The following LMBRD1 variants were observed in gnomAD, a reference collection of about 807,000 sequenced individuals.
LMBRD1 encodes LMBR1 domain containing 1, also known as lysosomal cobalamin transport escort protein LMBD1.
Under a neutral mutation model 74.8 loss-of-function variants are expected in LMBRD1, and 64 were observed. The observed-to-expected ratio is 0.86, with a 90% confidence interval of 0.70 to 1.05. The LOEUF is 1.05. Among genes scored for constraint, LMBRD1 ranks in the 50% least tolerant of loss-of-function variants. The probability of loss-of-function intolerance (pLI) is 0.00; values close to 1 mark genes in which losing one functional copy is unlikely to be tolerated. For synonymous variants in LMBRD1, 204 were observed against 216.3 expected (o/e 0.94, Z 0.50); for missense variants, 652 against 645.9 (o/e 1.01, Z -0.10).
At chr6:69,790,554 G>A in intron 1 of LMBRD1, 82 bp from the exon 2 acceptor site, 2 of 1,400,544 alleles carry the variant, frequency 1.4e-6, no homozygotes, top group Non-Finnish European at 2.0e-6. Context: ...GTTTCTAGCA[G>A]GAAACCTTAT....
chr6:69,749,383 G>A lies in LMBRD1; in HGVS notation c.431C>T (p.Thr144Ile). 6.2e-7 allele frequency: 1 copy of A among 1,610,036 alleles called. No individual in the cohort carries two copies. The highest frequency in any genetic ancestry group is 8.5e-7 in the Non-Finnish European group (1 of 1,178,754). ...TGCACAAATCACAACAAATCCCAAA[G>A]TATACTTGAGTGCCGTTTTAATTTG... ...CTQIKTALKY[T>I]LGFVVICALL... The change falls in exon 5 of 16, where the codon ACT becomes ATT. Residue 144 changes from threonine (T) to isoleucine (I), a missense_variant. Thr to Ile is a moderately conservative substitution (Grantham distance 89, BLOSUM62 -1). Around this residue, in one of 3 missense-constraint regions of LMBRD1, gnomAD observed 598 missense variants for 581.8 expected, o/e 1.03. Transcript: ENST00000649934.
intron 2 of LMBRD1, among the ~76,000 whole-genome samples, chr6:69,782,377 T>G (rs1362806547): frequency 1.3e-5 from 2 of 152,304 alleles, no homozygotes; most frequent in African/African-American, 4.8e-5. Context: ...AGTGAACTAC[T>G]TGTACCTACT....
intron 2 of LMBRD1, among the ~76,000 whole-genome samples, chr6:69,782,935 C>G (rs1226504735): frequency 6.6e-6 from 1 of 150,934 alleles, no homozygotes; most frequent in East Asian, 2.0e-4. Flanking sequence ...AAAAATGAAA[C>G]TGGAGACAAT....
intron 14 of LMBRD1, among the ~76,000 whole-genome samples, chr6:69,684,912 A>G (rs867708426): frequency 5.1e-4 from 77 of 152,316 alleles, no homozygotes; most frequent in African/African-American, 1.8e-3. Flanking sequence ...CTTTAATAAT[A>G]CTATTTAAAA....
intron 4 of LMBRD1, among the ~76,000 whole-genome samples, chr6:69,751,580 G>A (rs947499663): frequency 5.9e-5 from 9 of 152,146 alleles, no homozygotes; most frequent in African/African-American, 9.6e-5. Context: ...CGCCCGCCTC[G>A]GCCTCCCAAA....
At chr6:69,727,019 G>A (rs1444792115) in intron 7 of LMBRD1, among the ~76,000 whole-genome samples, 1 of 152,106 alleles carries the variant, frequency 6.6e-6, no homozygotes, top group Non-Finnish European at 1.5e-5. Context: ...GCCGGGTGTG[G>A]TGGCAAGCAC....
chr6:69,767,856 AT>A (rs1378255932), intron 3 of LMBRD1, among the ~76,000 whole-genome samples: 2 of 151,896 alleles, frequency 1.3e-5, no homozygotes, highest in Non-Finnish European at 3.0e-5. Context: ...AATTCTGCCC[AT>A]TTTGAATTTG....
At chr6:69,704,534 A>G (rs1050905836) in intron 9 of LMBRD1, among the ~76,000 whole-genome samples, 25 of 129,548 alleles carry the variant, frequency 1.9e-4, no homozygotes, top group Admixed American at 7.1e-4. Flanking sequence ...TTATACGCCC[A>G]CTATTCTCTT....
At chr6:69,785,202 T>C (rs1219984018) in intron 2 of LMBRD1, among the ~76,000 whole-genome samples, 1 of 152,174 alleles carries the variant, frequency 6.6e-6, no homozygotes, top group East Asian at 1.9e-4. Flanking sequence ...GCCTCCCTCT[T>C]CTGTTTTTCT....
At chr6:69,785,340 T>C (rs1483965164) in intron 2 of LMBRD1, among the ~76,000 whole-genome samples, 7 of 152,196 alleles carry the variant, frequency 4.6e-5, no homozygotes, top group Non-Finnish European at 1.5e-5. Context: ...TCCATAACTG[T>C]AGATATCATC....
intron 3 of LMBRD1, among the ~76,000 whole-genome samples, chr6:69,775,921 G>A (rs1765688677): frequency 6.6e-6 from 1 of 152,138 alleles, no homozygotes; most frequent in African/African-American, 2.4e-5. Context: ...GGAAATAAGT[G>A]ACAGTATTTG....
At chr6:69,781,521 CT>C (rs36073304) in intron 2 of LMBRD1, among the ~76,000 whole-genome samples, 4 of 151,698 alleles carry the variant, frequency 2.6e-5, no homozygotes, top group African/African-American at 9.7e-5. Context: ...TTTCTTTTCT[CT>C]TTTTTTTGCC....
chr6:69,779,985 G>A (rs1765792418), intron 3 of LMBRD1, among the ~76,000 whole-genome samples: 1 of 152,232 alleles, frequency 6.6e-6, no homozygotes. Context: ...CCCAAACCTG[G>A]CAATACCAGC....
intron 3 of LMBRD1, among the ~76,000 whole-genome samples, chr6:69,760,168 C>G (rs961081179): frequency 5.9e-5 from 9 of 152,152 alleles, no homozygotes; most frequent in Non-Finnish European, 1.2e-4. Flanking sequence ...ACATATACAA[C>G]AGAAAACATG....
chr6:69,769,639 T>C (rs1355098171), intron 3 of LMBRD1, among the ~76,000 whole-genome samples: 2 of 152,126 alleles, frequency 1.3e-5, no homozygotes, highest in Non-Finnish European at 1.5e-5. Flanking sequence ...GTTGCCTCTT[T>C]AATTCCTTTG....
At chr6:69,683,948 CAG>C (rs1269383485) in intron 14 of LMBRD1, among the ~76,000 whole-genome samples, 2 of 151,986 alleles carry the variant, frequency 1.3e-5, no homozygotes, top group Admixed American at 6.6e-5. Context: ...GATGCATGCA[CAG>C]AGTTACCAGC....
rs1766080033 is a variant in LMBRD1, at chr6:69,791,369, GAC to G, written c.70-899_70-898del. 2.0e-5 allele frequency among the ~76,000 whole-genome samples: 3 copies of G among 152,316 alleles called. No individual in the cohort carries two copies. In the East Asian group the frequency reaches 5.8e-4, roughly 29 times the overall value. Reference sequence around the variant, plus strand: ...TCTACTCTACTCATAGGGAGTTGCAGACAGAGACTGTGTTATTTCAGCCTTCA... The same window carrying G: ...TCTACTCTACTCATAGGGAGTTGCAGAGAGACTGTGTTATTTCAGCCTTCA... On this transcript the variant is annotated intron_variant, in intron 1 of 15. Coordinates refer to ENST00000649934, the MANE Select transcript of LMBRD1 (RefSeq NM_018368.4).
intron 3 of LMBRD1, among the ~76,000 whole-genome samples, chr6:69,753,919 C>CGA (rs1296644355): frequency 6.8e-6 from 1 of 145,996 alleles, no homozygotes; most frequent in Non-Finnish European, 1.5e-5. Flanking sequence ...CCAGCCTGGG[C>CGA]GAGAGAGAGA....
chr6:69,700,782 A>C lies in LMBRD1; in HGVS notation c.1171T>G (p.Trp391Gly), dbSNP rs770836987. 6.6e-7 allele frequency: 1 copy of C among 1,520,074 alleles called. No individual in the cohort carries two copies. The highest frequency in any genetic ancestry group is 9.0e-7 in the Non-Finnish European group (1 of 1,114,492). 94.2% of individuals were successfully genotyped at this position (1,520,074 alleles called of 1,614,324 possible). Residue 391 changes from tryptophan (W) to glycine (G), a missense_variant, in exon 12 of 16, where the codon TGG (tryptophan) becomes GGG (glycine). Trp to Gly is a radical substitution (Grantham distance 184, BLOSUM62 -2). This residue lies in a region of LMBRD1 where 598 missense variants were observed against 581.8 expected (regional missense o/e 1.03). Coordinates refer to ENST00000649934, the MANE Select transcript of LMBRD1 (RefSeq NM_018368.4). The part of the protein sequence containing the change: ...SMAGIRNIGI[W>G]FFWIRLYKIR... Reference sequence around the variant, plus strand: ...ATACTTACTCTAATCCAAAAGAACCATATGCCAATATTTCGAATTCCTGCC... The same window carrying C: ...ATACTTACTCTAATCCAAAAGAACCCTATGCCAATATTTCGAATTCCTGCC...
Sources: allele counts gnomAD v4.1 joint callset (sites outside exome capture counted in the v4.1 genomes callset), GRCh38; gene constraint gnomAD v4.1.1; regional missense constraint gnomAD v4.1.1; transcripts MANE v1.5; gene names NCBI Gene and HGNC (gene_info 2026-07-23, HGNC 2026-07-21).